The following REC114 variants were observed in gnomAD, a reference collection of about 807,000 sequenced individuals.
REC114 encodes the protein meiotic recombination protein REC114.
Under a neutral mutation model 31.3 loss-of-function variants are expected in REC114, and 27 were observed. The ratio of observed to expected loss-of-function variants is 0.86; its 90% CI spans 0.64 to 1.19. The LOEUF (loss-of-function observed/expected upper bound fraction) is 1.19. Among genes scored for constraint, REC114 ranks in the 50% most tolerant of loss-of-function variants. The pLI is 0.00. For synonymous variants in REC114, 134 were observed against 127.7 expected (o/e 1.05, Z -0.33); for missense variants, 344 against 326.9 (o/e 1.05, Z -0.40).
chr15:73,554,177 G>T (rs1252817388), intron 4 of REC114, among the ~76,000 whole-genome samples: 1 of 152,232 alleles, frequency 6.6e-6, no homozygotes, highest in Non-Finnish European at 1.5e-5. Context: ...AAGCTGCAGA[G>T]CAGATGATAA....
chr15:73,482,560 T>C (rs1344660922), intron 2 of REC114, among the ~76,000 whole-genome samples: 1 of 152,234 alleles, frequency 6.6e-6, no homozygotes, highest in Non-Finnish European at 1.5e-5. Flanking sequence ...TTTATAGCAA[T>C]GTAAAAACAG....
chr15:73,494,174 A>G (rs902519865), intron 2 of REC114, among the ~76,000 whole-genome samples: 2 of 152,156 alleles, frequency 1.3e-5, no homozygotes, highest in South Asian at 4.2e-4. Context: ...AGTTTCTAGT[A>G]TTGATATAGT....
intron 4 of REC114, among the ~76,000 whole-genome samples, chr15:73,553,930 G>C (rs1005135182): frequency 6.6e-6 from 1 of 152,166 alleles, no homozygotes; most frequent in African/African-American, 2.4e-5. Context: ...GTAGCTGTGT[G>C]ATCTCACGGA....
chr15:73,511,021 C>T (rs910486109), intron 2 of REC114, among the ~76,000 whole-genome samples: 31 of 151,818 alleles, frequency 2.0e-4, no homozygotes, highest in African/African-American at 6.3e-4. Context: ...AGGAATGGTA[C>T]CAGTTCCTCC....
At chr15:73,485,953 G>T (rs1270745517) in intron 2 of REC114, among the ~76,000 whole-genome samples, 1 of 152,138 alleles carries the variant, frequency 6.6e-6, no homozygotes, top group Admixed American at 6.5e-5. Context: ...AGACAGTTGG[G>T]TTAGCAAGAG....
chr15:73,518,605 CCTG>C (rs1893894490), intron 2 of REC114, among the ~76,000 whole-genome samples: 1 of 152,198 alleles, frequency 6.6e-6, no homozygotes. Flanking sequence ...CCTGCTCACC[CCTG>C]GAGGTGGGCC....
At chr15:73,505,317 G>T (rs1261263852) in intron 2 of REC114, among the ~76,000 whole-genome samples, 1 of 151,958 alleles carries the variant, frequency 6.6e-6, no homozygotes, top group Non-Finnish European at 1.5e-5. Context: ...ATTGTTATTG[G>T]TCAGGCTCTA....
At chr15:73,446,496 C>T (rs572744919) in intron 1 of REC114, among the ~76,000 whole-genome samples, 34 of 152,172 alleles carry the variant, frequency 2.2e-4, no homozygotes, top group African/African-American at 6.7e-4. Flanking sequence ...AAAAATTAGC[C>T]GGGTGTAGTG....
At chr15:73,547,855 C>T (rs1393776800) in intron 3 of REC114, among the ~76,000 whole-genome samples, 1 of 152,156 alleles carries the variant, frequency 6.6e-6, no homozygotes, top group East Asian at 1.9e-4. Context: ...CCATCCAGGA[C>T]ACAGGCACAG....
chr15:73,482,429 G>T (rs1893308361), intron 2 of REC114, among the ~76,000 whole-genome samples: 1 of 152,154 alleles, frequency 6.6e-6, no homozygotes, highest in African/African-American at 2.4e-5. Context: ...CCATGATTGG[G>T]AGCTTCCGAG....
intron 1 of REC114, among the ~76,000 whole-genome samples, chr15:73,458,932 G>C (rs1892953246): frequency 6.6e-6 from 1 of 152,190 alleles, no homozygotes; most frequent in African/African-American, 2.4e-5. Context: ...GAGGGTAACT[G>C]GCAGTCTGCC....
intron 3 of REC114, among the ~76,000 whole-genome samples, chr15:73,549,693 A>AT (rs1286740100): frequency 6.6e-6 from 1 of 151,480 alleles, no homozygotes; most frequent in Admixed American, 6.6e-5. Context: ...GACTCTTCAT[A>AT]TTTTTTCCAA....
intron 1 of REC114, among the ~76,000 whole-genome samples, chr15:73,450,551 C>G (rs1892829822): frequency 6.6e-6 from 1 of 152,086 alleles, no homozygotes. Flanking sequence ...CTTTAACACC[C>G]CACTGTCAAT....
intron 3 of REC114, among the ~76,000 whole-genome samples, chr15:73,545,681 C>T (rs761633912): frequency 6.6e-5 from 10 of 152,154 alleles, no homozygotes; most frequent in South Asian, 2.1e-4. Context: ...AAAACCCTAG[C>T]TATCCAAACT....
intron 2 of REC114, among the ~76,000 whole-genome samples, chr15:73,479,079 A>T (rs778645105): frequency 1.9e-4 from 29 of 152,010 alleles, no homozygotes; most frequent in Non-Finnish European, 3.7e-4. Context: ...GCTGGCTAGG[A>T]TGTCCTTTTC....
rs1595884461 is a variant in REC114 at position 73,555,383 on chromosome 15, G to A, written c.547-919G>A. Among the ~76,000 whole-genome samples the A allele has an allele frequency of 5.3e-5, 8 of 152,238 alleles. No homozygotes were observed. The South Asian group carries it at 1.7e-3, about 32-fold the overall frequency. ...AGACATGTGGCTAGGAAGGAACGGA[G>A]GTAGGGCCCTTCATGCCTCCAGACC... On this transcript the variant is annotated intron_variant, in intron 4 of 5. Coordinates refer to ENST00000331090, the MANE Select transcript of REC114 (RefSeq NM_001042367.2).
At chr15:73,508,157 A>G (rs899145621) in intron 2 of REC114, among the ~76,000 whole-genome samples, 1 of 152,150 alleles carries the variant, frequency 6.6e-6, no homozygotes, top group African/African-American at 2.4e-5. Context: ...TATTTTTTCC[A>G]AGTCTGCCAT....
Position 73,551,151 on chromosome 15 carries a change from G to GT in REC114, c.546+2dup, listed in dbSNP as rs1175895874. The GT allele has an allele frequency of 1.0e-5, 16 of 1,597,000 alleles. No homozygotes were observed. Among genetic ancestry groups the GT allele is most frequent in the African/African-American group, 1.3e-5 (1 of 74,528 alleles). On this transcript the variant is annotated splice_donor_variant, in intron 4 of 5. Transcript: ENST00000331090. LOFTEE classifies it high-confidence loss of function. ...AAAGAGTGTCCCACGGCAGCCTGGA[G>GT]TAAGTAGGCTGATGTGTTGGTTATA...
chr15:73,462,202 T>C (rs549519652), intron 1 of REC114, among the ~76,000 whole-genome samples: 1 of 152,174 alleles, frequency 6.6e-6, no homozygotes, highest in South Asian at 2.1e-4. Flanking sequence ...AATTCTGGGA[T>C]TACAGGTGTG....
Sources: gnomAD v4.1 joint callset for allele counts (sites outside exome capture counted in the v4.1 genomes callset) on GRCh38, gnomAD v4.1.1 for gene constraint, MANE v1.5 for transcripts, NCBI Gene and HGNC (gene_info 2026-07-23, HGNC 2026-07-21) for gene names.